STXBP3: variants seen among roughly 807,000 people sequenced by gnomAD.
STXBP3 encodes syntaxin-binding protein 3.
A neutral mutation model predicts 85.7 loss-of-function variants in STXBP3; 41 were observed. The observed-to-expected ratio is 0.48, with a 90% CI of 0.37 to 0.62. The LOEUF (loss-of-function observed/expected upper bound fraction) is 0.62. Among genes scored for constraint, STXBP3 ranks in the 20% least tolerant of loss-of-function variants. STXBP3 has a pLI of 0.00. For synonymous variants in STXBP3, 229 were observed against 231.7 expected (o/e 0.99, Z 0.10); for missense variants, 563 against 703.1 (o/e 0.80, Z 2.25).
At chr1:108,776,446 T>C (rs777744522) in intron 8 of STXBP3, 23 bp downstream of exon 8, 12 of 1,532,632 alleles carry the variant, frequency 7.8e-6, no homozygotes, top group African/African-American at 1.4e-5. Context: ...AGGCAAGTAA[T>C]GACTATGCAT....
At chr1:108,780,436 C>G (rs923176455) in intron 9 of STXBP3, 6 of 151,192 alleles carry the variant, frequency 4.0e-5, no homozygotes, top group African/African-American at 1.2e-4. Flanking sequence ...TAAAAAGCTA[C>G]TATACTCCCT....
intron 17 of STXBP3, 63 bp downstream of exon 17, chr1:108,800,368 A>G (rs1663207929): frequency 8.0e-7 from 1 of 1,252,812 alleles, no homozygotes; most frequent in African/African-American, 1.5e-5. Context: ...TTAAAATGGT[A>G]CACAGATACT....
At position 108,809,021 on chromosome 1, in the gene STXBP3, G is replaced by T; in HGVS notation, c.*144G>T. 1.8e-6 allele frequency: 1 copy of T among 557,472 alleles called. No homozygotes were observed. The highest frequency in any genetic ancestry group is 3.1e-6 in the Non-Finnish European group (1 of 325,590). The allele number at this position is 557,472 out of a possible 1,614,324, so 34.5% of individuals were successfully genotyped here. The stretch of plus-strand genomic sequence containing the variant: ...ATACATTTCTTAAGGAACTGTTTAT[G>T]ATTATTACTGGATTTGTCATTTTTG... On this transcript the variant is annotated 3_prime_UTR_variant, in exon 19 of 19. Coordinates refer to ENST00000370008, the MANE Select transcript of STXBP3 (RefSeq NM_007269.4).
At chr1:108,759,644 A>C (rs1384057219) in intron 5 of STXBP3, among the ~76,000 whole-genome samples, 2 of 152,156 alleles carry the variant, frequency 1.3e-5, no homozygotes, top group East Asian at 3.8e-4. Flanking sequence ...AAGTAGTATA[A>C]ATTTCTAAGA....
chr1:108,793,523 T>A, intron 11 of STXBP3, 59 bp from the exon 12 acceptor site: 1 of 1,395,058 alleles, frequency 7.2e-7, no homozygotes, highest in South Asian at 1.2e-5. Flanking sequence ...GATTTCAAAG[T>A]TGTAATATGG....
intron 6 of STXBP3, among the ~76,000 whole-genome samples, chr1:108,764,277 A>AT (rs551282943): frequency 6.6e-5 from 10 of 151,954 alleles, no homozygotes; most frequent in African/African-American, 2.2e-4. Context: ...GAGATACCAC[A>AT]TTTTTTTTAA....
At chr1:108,786,231 G>A (rs1331588400) in intron 11 of STXBP3, among the ~76,000 whole-genome samples, 1 of 152,196 alleles carries the variant, frequency 6.6e-6, no homozygotes, top group Non-Finnish European at 1.5e-5. Flanking sequence ...CCTCTTCACA[G>A]GGTGGCAGGG....
chr1:108,794,234 C>G (rs555600652), intron 12 of STXBP3, among the ~76,000 whole-genome samples: 1 of 152,178 alleles, frequency 6.6e-6, no homozygotes, highest in Non-Finnish European at 1.5e-5. Flanking sequence ...CAATTCAATG[C>G]TTCCATCCCA....
intron 11 of STXBP3, among the ~76,000 whole-genome samples, chr1:108,786,544 C>T: frequency 6.6e-6 from 1 of 152,218 alleles, no homozygotes; most frequent in East Asian, 1.9e-4. Context: ...ATTGTAAAGA[C>T]CATCCTTTCA....
intron 5 of STXBP3, chr1:108,759,169 AATATC>A (rs1662077555): frequency 6.6e-6 from 1 of 152,210 alleles, no homozygotes; most frequent in African/African-American, 2.4e-5. Context: ...TCAAAATAAA[AATATC>A]ATATCTAAGT....
rs1301553611 is a variant in STXBP3, at chr1:108,771,777, A to G, written c.439-888A>G. ...TGATATCTATCTATATATCATATAT[A>G]AATATATGATATCTATCTATATATA... is the stretch of plus-strand genomic sequence containing the variant. On this transcript the variant is annotated intron_variant, in intron 6 of 18. Transcript: ENST00000370008. Among the ~76,000 whole-genome samples the G allele has an allele frequency of 4.3e-5, 2 of 46,644 alleles. 1 individual carries two copies. Among genetic ancestry groups the G allele is most frequent in the Non-Finnish European group, 8.6e-5 (2 of 23,282 alleles). 30.6% of individuals were successfully genotyped at this position (46,644 alleles called of 152,430 possible). A position where few individuals can be genotyped will look rare whatever the true frequency, so the allele number is the denominator to read the frequency against.
chr1:108,782,700 A>G lies in STXBP3; in HGVS notation c.957A>G (p.Glu319=). The change falls in exon 11 of 19, where the codon GAA becomes GAG. Residue 319 remains glutamate, a synonymous_variant. Transcript: ENST00000370008. ...KEISSTKKAT[E]GKTSLSALTQ... ...TTTCATCAACAAAGAAAGCAACAGA[A>G]GGAAAGGTAAGAGTCTTACTTAACT... is the stretch of plus-strand genomic sequence containing the variant. 6.2e-7 allele frequency: 1 copy of G among 1,607,276 alleles called. No individual in the cohort carries two copies. Among genetic ancestry groups the G allele is most frequent in the Non-Finnish European group, 8.5e-7 (1 of 1,177,872 alleles).
chr1:108,759,961 T>C, intron 5 of STXBP3, 24 bp from the exon 6 acceptor site: 1 of 1,382,044 alleles, frequency 7.2e-7, no homozygotes, highest in Non-Finnish European at 1.0e-6. Context: ...TGTAACTATA[T>C]GCTTTGTTTT....
intron 17 of STXBP3, among the ~76,000 whole-genome samples, chr1:108,804,346 T>A (rs1287169439): frequency 5.9e-5 from 9 of 152,140 alleles, no homozygotes; most frequent in African/African-American, 2.2e-4. Context: ...ATTTTTCTGT[T>A]TTAGAAGTTC....
At chr1:108,802,120 G>T (rs568193639) in intron 17 of STXBP3, among the ~76,000 whole-genome samples, 78 of 152,172 alleles carry the variant, frequency 5.1e-4, no homozygotes, top group African/African-American at 1.9e-3. Flanking sequence ...TACCTGGCCG[G>T]GTGCGGTGGC....
In STXBP3 at chr1:108,809,066, T is replaced by C; in HGVS notation, c.*189T>C. ...TTTTTGATAATTTAAATATTGCTGC[T>C]GCTTTGTAGATGATGAGAAGAAATG... On this transcript the variant is annotated 3_prime_UTR_variant, in exon 19 of 19. Coordinates refer to ENST00000370008, the MANE Select transcript of STXBP3 (RefSeq NM_007269.4). 1 of 486,636 alleles carries C rather than the reference T, an allele frequency of 2.1e-6. No homozygotes were observed. The highest frequency in any genetic ancestry group is 3.6e-6 in the Non-Finnish European group (1 of 280,698). 30.1% of individuals were successfully genotyped at this position (486,636 alleles called of 1,614,324 possible). A position where few individuals can be genotyped will look rare whatever the true frequency, so the allele number is the denominator to read the frequency against.
chr1:108,761,198 G>A (rs61797300), intron 6 of STXBP3, among the ~76,000 whole-genome samples: 10,308 of 152,152 alleles, frequency 0.068, 383 homozygotes, highest in Admixed American at 0.084. Context: ...GAGCCACCAC[G>A]CCCAGCTGAT....
intron 3 of STXBP3, among the ~76,000 whole-genome samples, chr1:108,754,199 A>G (rs1378708832): frequency 2.0e-5 from 3 of 151,960 alleles, no homozygotes; most frequent in Non-Finnish European, 2.9e-5. Context: ...CACCCAGCTA[A>G]TTTGTATATT....
Position 108,746,747 on chromosome 1 carries a change from C to T in STXBP3, c.10C>T (p.Pro4Ser), listed in dbSNP as rs1168799345. The T allele has an allele frequency of 2.6e-6, 4 of 1,550,004 alleles. No homozygotes were observed. The highest frequency in any genetic ancestry group is 3.5e-6 in the Non-Finnish European group (4 of 1,146,342). Reference sequence around the variant, plus strand: ...CCGCAGTGTCGGGAAGATGGCGCCGCCGGTGGCAGAGAGGGGGCTAAAGAG... The same window carrying T: ...CCGCAGTGTCGGGAAGATGGCGCCGTCGGTGGCAGAGAGGGGGCTAAAGAG... MAP[P>S]VAERGLKSVV... Residue 4 changes from proline to serine, a missense_variant, in exon 1 of 19, where the codon CCG becomes TCG. Physicochemically the swap from Pro to Ser is moderately conservative, Grantham distance 74. Transcript: ENST00000370008.
Sources: gnomAD v4.1 joint callset for allele counts (sites outside exome capture counted in the v4.1 genomes callset) on GRCh38, gnomAD v4.1.1 for gene constraint, MANE v1.5 for transcripts, NCBI Gene and HGNC (gene_info 2026-07-23, HGNC 2026-07-21) for gene names.